RBFOX1: variants seen among roughly 807,000 people sequenced by gnomAD.
RBFOX1 encodes RNA binding fox-1 homolog 1.
In RBFOX1, 8 loss-of-function variants were observed where a neutral mutation model predicts 57.7. That is an observed-to-expected ratio of 0.14 (90% CI 0.08 to 0.25). RBFOX1 has a LOEUF of 0.25. Among genes scored for constraint, RBFOX1 ranks in the 10% least tolerant of loss-of-function variants. The pLI, the probability that RBFOX1 is intolerant of heterozygous loss-of-function variation, is 1.00. For synonymous variants in RBFOX1, 326 were observed against 222.4 expected, an observed-to-expected ratio of 1.47 and a Z score of -4.15; for missense variants, 611 against 548.5, an observed-to-expected ratio of 1.11 and a Z score of -1.14.
At chr16:5,793,055 T>C (rs2054754587) in intron 3 of RBFOX1, among the ~76,000 whole-genome samples, 1 of 152,238 alleles carries the variant, frequency 6.6e-6, no homozygotes, top group Non-Finnish European at 1.5e-5. Context: ...CGTTGTGTTG[T>C]TCAAGGGTCA....
At chr16:7,573,725 C>T (rs968763543) in intron 5 of RBFOX1, among the ~76,000 whole-genome samples, 4 of 151,984 alleles carry the variant, frequency 2.6e-5, no homozygotes, top group South Asian at 2.1e-4. Context: ...ATCCCAGCTA[C>T]TCGGGAGGTT....
At chr16:7,447,168 G>T (rs575045777) in intron 4 of RBFOX1, among the ~76,000 whole-genome samples, 4 of 151,740 alleles carry the variant, frequency 2.6e-5, no homozygotes, top group Admixed American at 1.3e-4. Flanking sequence ...GGAGCCCTCC[G>T]TAAGAAAAAC....
chr16:5,990,066 G>T (rs999545276), intron 4 of RBFOX1, among the ~76,000 whole-genome samples: 2 of 152,108 alleles, frequency 1.3e-5, no homozygotes, highest in African/African-American at 4.8e-5. Flanking sequence ...GTTCACTGCA[G>T]CCTCAAACTC....
chr16:5,969,044 T>C lies in RBFOX1; in HGVS notation c.351+101709T>C, dbSNP rs1230001251. ...CTTGGTTATTAAAATGAGTTTTTTC[T>C]TTTATTTCTTTGCCTTAGACTCTGT... On this transcript the variant is annotated intron_variant, in intron 4 of 19. Coordinates refer to the RBFOX1 transcript ENST00000641259. Among the ~76,000 whole-genome samples, 15 of 152,074 alleles carry C rather than the reference T, an allele frequency of 9.9e-5. 1 individual carries two copies. The highest frequency in any genetic ancestry group is 9.8e-4 in the Admixed American group (15 of 15,272).
intron 3 of RBFOX1, among the ~76,000 whole-genome samples, chr16:6,671,089 C>T (rs1375142624): frequency 3.9e-5 from 6 of 152,184 alleles, no homozygotes; most frequent in Non-Finnish European, 8.8e-5. Flanking sequence ...TACGTATGAA[C>T]AACCAGATAA....
intron 2 of RBFOX1, among the ~76,000 whole-genome samples, chr16:5,567,830 T>C (rs995975822): frequency 5.3e-5 from 8 of 152,126 alleles, no homozygotes; most frequent in African/African-American, 1.9e-4. Flanking sequence ...CTGATCATTA[T>C]ATTCGTTAAT....
chr16:6,092,681 C>T (rs1031251616), intron 1 of RBFOX1: 5 of 152,072 alleles, frequency 3.3e-5, no homozygotes, highest in South Asian at 2.1e-4. Context: ...TCAACTTTGT[C>T]GAAGATCAGA....
At chr16:6,979,337 A>G (rs112174091) in intron 3 of RBFOX1, among the ~76,000 whole-genome samples, 198 of 152,286 alleles carry the variant, frequency 1.3e-3, no homozygotes, top group Non-Finnish European at 1.7e-3. Context: ...GAGGGTAGCT[A>G]TTAGCTATCA....
chr16:7,439,076 T>A (rs186907336), intron 4 of RBFOX1, among the ~76,000 whole-genome samples: 11 of 152,164 alleles, frequency 7.2e-5, no homozygotes, highest in African/African-American at 1.7e-4. Context: ...AGTCTCTCTG[T>A]GCACTCTCAG....
At position 6,051,982 on chromosome 16, in the gene RBFOX1, C is replaced by T. The variant is rs186353275; in HGVS notation, c.-127+31990C>T. Among the ~76,000 whole-genome samples the T allele has an allele frequency of 1.9e-4, 29 of 152,282 alleles. No individual in the cohort carries two copies. The East Asian group carries it at 5.0e-3, about 26-fold the overall frequency. On this transcript the variant is annotated intron_variant, in intron 1 of 15. Coordinates refer to ENST00000550418, the MANE Select transcript of RBFOX1 (RefSeq NM_018723.4). ...TCACCTGGACCGACAAGTTTGACGCCTAATAAAATGGACTTCTAGTCTTGC... is the reference window on the plus strand; with the variant it reads ...TCACCTGGACCGACAAGTTTGACGCTTAATAAAATGGACTTCTAGTCTTGC...
chr16:6,702,844 G>C (rs555612216), intron 3 of RBFOX1, among the ~76,000 whole-genome samples: 32 of 152,086 alleles, frequency 2.1e-4, no homozygotes, highest in Admixed American at 2.1e-3. Context: ...TCACATTGTT[G>C]TGCGACCATC....
chr16:5,777,217 C>G (rs1003815799), intron 3 of RBFOX1, among the ~76,000 whole-genome samples: 3 of 152,156 alleles, frequency 2.0e-5, no homozygotes, highest in Non-Finnish European at 2.9e-5. Context: ...CTTGCCTTTT[C>G]CAGCTGCAAG....
rs575005077 is a variant in RBFOX1, at chr16:7,033,480, A to C, written c.-15-18577A>C. 2.6e-5 allele frequency among the ~76,000 whole-genome samples: 4 copies of C among 152,278 alleles called. No homozygotes were observed. In the South Asian group the frequency reaches 8.3e-4, roughly 32 times the overall value. On this transcript the variant is annotated intron_variant, in intron 3 of 15. Transcript: ENST00000550418. ...GGTTGCAGTGAGCCAAGATTGCGCCACTGCAGTCCAGCCTAGGGGATAGAG... is the reference window on the plus strand; with the variant it reads ...GGTTGCAGTGAGCCAAGATTGCGCCCCTGCAGTCCAGCCTAGGGGATAGAG...
chr16:5,817,690 G>C (rs2055691879), intron 3 of RBFOX1, among the ~76,000 whole-genome samples: 2 of 142,716 alleles, frequency 1.4e-5, no homozygotes, highest in Admixed American at 7.1e-5. Context: ...GATGGGTCTT[G>C]TGGGCTGTAT....
chr16:5,989,865 CA>C (rs2060359382), intron 4 of RBFOX1, among the ~76,000 whole-genome samples: 2 of 114,526 alleles, frequency 1.7e-5, no homozygotes, highest in African/African-American at 6.1e-5. Flanking sequence ...CACACACACA[CA>C]CACACACACA....
chr16:5,702,170 T>C (rs1032340985), intron 3 of RBFOX1, among the ~76,000 whole-genome samples: 1 of 152,072 alleles, frequency 6.6e-6, no homozygotes, highest in Non-Finnish European at 1.5e-5. Flanking sequence ...AGAAAAGAGG[T>C]TTCATTGACT....
chr16:7,541,856 G>A (rs1601379340), intron 5 of RBFOX1, among the ~76,000 whole-genome samples: 1 of 152,160 alleles, frequency 6.6e-6, no homozygotes, highest in South Asian at 2.1e-4. Flanking sequence ...AAGGACTTGG[G>A]GTGCTTAAGA....
At chr16:7,345,698 A>G (rs887084529) in intron 4 of RBFOX1, among the ~76,000 whole-genome samples, 1 of 152,198 alleles carries the variant, frequency 6.6e-6, no homozygotes, top group East Asian at 1.9e-4. Context: ...GGGGATGGAT[A>G]AAAAGCCTTT....
chr16:6,507,213 A>G (rs1220120004), intron 2 of RBFOX1, among the ~76,000 whole-genome samples: 1 of 152,046 alleles, frequency 6.6e-6, no homozygotes, highest in East Asian at 1.9e-4. Flanking sequence ...CCTTCCTCCA[A>G]TCCATTATAC....
Sources: gnomAD v4.1 joint callset for allele counts (sites outside exome capture counted in the v4.1 genomes callset) on GRCh38, gnomAD v4.1.1 for gene constraint, MANE v1.5 for transcripts, NCBI Gene and HGNC (gene_info 2026-07-23, HGNC 2026-07-21) for gene names.